The following KEAP1 variants were observed in gnomAD, a reference collection of about 807,000 sequenced individuals.
KEAP1 encodes the protein kelch-like ECH-associated protein 1.
Under a neutral mutation model 59.7 loss-of-function variants are expected in KEAP1, and 26 were observed. That is an observed-to-expected ratio of 0.44 (90% CI 0.32 to 0.60). KEAP1 has a LOEUF of 0.60. KEAP1 is among the 20% of genes least tolerant of loss of function. KEAP1 has a pLI of 0.06. For synonymous variants in KEAP1, 350 were observed against 358.3 expected (o/e 0.98, Z 0.26); for missense variants, 539 against 871.4 (o/e 0.62, Z 4.80).
intron 5 of KEAP1, among the ~76,000 whole-genome samples, chr19:10,488,240 T>C (rs1440488181): frequency 6.6e-6 from 1 of 152,084 alleles, no homozygotes; most frequent in African/African-American, 2.4e-5. Context: ...TGAGCCAAGA[T>C]TGCGCCATTG....
chr19:10,487,738 G>C (rs150617794), intron 5 of KEAP1, among the ~76,000 whole-genome samples: 72 of 152,238 alleles, frequency 4.7e-4, no homozygotes, highest in African/African-American at 1.7e-3. Flanking sequence ...GCTCATGCCT[G>C]TAATCCCAGG....
intron 2 of KEAP1, chr19:10,492,729 A>G (rs1329604499): frequency 1.4e-5 from 2 of 145,004 alleles, no homozygotes; most frequent in Admixed American, 6.9e-5. Context: ...TGTCTCAAAG[A>G]AAAAAAAAAA....
Position 10,503,218 on chromosome 19 carries a change from A to C in KEAP1, c.-48+23T>G, listed in dbSNP as rs902872017. The C allele has an allele frequency of 6.6e-5, 10 of 152,294 alleles. No homozygotes were observed. Among genetic ancestry groups the C allele is most frequent in the Admixed American group, 3.3e-4 (5 of 15,268 alleles). 9.4% of individuals were successfully genotyped at this position (152,294 alleles called of 1,614,324 possible). On this transcript the variant is annotated intron_variant, in intron 1 of 5. Coordinates refer to ENST00000171111, the MANE Select transcript of KEAP1 (RefSeq NM_203500.2). The surrounding 1 kb of genome is among the most constrained non-coding windows in gnomAD (Gnocchi z 4.3). ...CCGGGAAGCCGGGGGACCGCGACCCAGTCCAGGAGATTCCTGCCTTACCTT... is the reference window on the plus strand; with the variant it reads ...CCGGGAAGCCGGGGGACCGCGACCCCGTCCAGGAGATTCCTGCCTTACCTT...
chr19:10,489,966 G>A, intron 3 of KEAP1, 113 bp from the exon 4 acceptor site: 8 of 1,055,022 alleles, frequency 7.6e-6, no homozygotes, highest in Non-Finnish European at 9.6e-6. Flanking sequence ...TAAAGAGACA[G>A]GTTCATCCGG....
In KEAP1 at chr19:10,489,740, C is replaced by G. The variant is rs1021362446; in HGVS notation, c.1439G>C (p.Gly480Ala). The change falls in exon 4 of 6, where the codon GGG (glycine) becomes GCG (alanine). Residue 480 changes from glycine (G) to alanine (A), a missense_variant. This residue lies in a region of KEAP1 where 311 missense variants were observed against 425.2 expected (regional missense o/e 0.73). Coordinates refer to ENST00000171111, the MANE Select transcript of KEAP1 (RefSeq NM_203500.2). Reference sequence around the variant, plus strand: ...CTCAGCTGAATTAAGGCGGTTTGTCCCGTCAAAGCCCCCCACGGCATAAAG... The same window carrying G: ...CTCAGCTGAATTAAGGCGGTTTGTCGCGTCAAAGCCCCCCACGGCATAAAG... ...RLLYAVGGFDGTNRLNSAECY... is the reference protein window; with the variant it reads ...RLLYAVGGFDATNRLNSAECY... 1 of 1,614,026 alleles carries G rather than the reference C, an allele frequency of 6.2e-7. No individual in the cohort carries two copies. Among genetic ancestry groups the G allele is most frequent in the Non-Finnish European group, 8.5e-7 (1 of 1,180,036 alleles).
rs897200726 is a variant in KEAP1, at chr19:10,502,450, G to C, written c.-48+791C>G. ...AGCCCCTCAACGCCTCGGAGCCCCCGGGCCTCCTTCTGCGCAGCGCCTCCT... is the reference window on the plus strand; with the variant it reads ...AGCCCCTCAACGCCTCGGAGCCCCCCGGCCTCCTTCTGCGCAGCGCCTCCT... On this transcript the variant is annotated intron_variant, in intron 1 of 5. Coordinates refer to ENST00000171111, the MANE Select transcript of KEAP1 (RefSeq NM_203500.2). This position sits in a 1 kb window ranked among gnomAD's most constrained non-coding sequence, Gnocchi z 4.0. The C allele has an allele frequency of 6.6e-6, 1 of 152,276 alleles. No homozygotes were observed. The highest frequency in any genetic ancestry group is 2.4e-5 in the African/African-American group (1 of 41,454). The allele number at this position is 152,276 out of a possible 1,614,324, so 9.4% of individuals were successfully genotyped here.
chr19:10,497,293 G>A (rs531050343), intron 2 of KEAP1, among the ~76,000 whole-genome samples: 6 of 152,200 alleles, frequency 3.9e-5, no homozygotes, highest in South Asian at 4.1e-4. Context: ...ACCCTGGGGC[G>A]TCTGATCAAC....
At chr19:10,489,988 A>G (rs987084110) in intron 3 of KEAP1, 135 bp from the exon 4 acceptor site, 85 of 846,828 alleles carry the variant, frequency 1.0e-4, no homozygotes, top group Non-Finnish European at 1.4e-4. Context: ...GCGATGGCTC[A>G]TGCCTGTAAT....
At chr19:10,492,635 T>A in intron 2 of KEAP1, 1 of 206,180 alleles carries the variant, frequency 4.9e-6, no homozygotes, top group Non-Finnish European at 9.9e-6. Context: ...GAAGAATCGC[T>A]TGAACCCGGG....
chr19:10,498,885 G>C (rs997581781), intron 2 of KEAP1, among the ~76,000 whole-genome samples: 3 of 151,790 alleles, frequency 2.0e-5, no homozygotes, highest in Admixed American at 2.0e-4. Context: ...GCGCAAGCTG[G>C]AGTGCAGTGG....
In KEAP1 at chr19:10,489,754, C is replaced by A. The variant is rs774389220; in HGVS notation, c.1425G>T (p.Val475=). Residue 475 remains valine, a synonymous_variant, in exon 4 of 6, where the codon GTG becomes GTT. Coordinates refer to ENST00000171111, the MANE Select transcript of KEAP1 (RefSeq NM_203500.2). ...GGCGGTTTGTCCCGTCAAAGCCCCC[C>A]ACGGCATAAAGGAGACGATTGAGGA... ...VAVLNRLLYA[V]GGFDGTNRLN... 5.0e-6 allele frequency: 8 copies of A among 1,614,052 alleles called. No individual in the cohort carries two copies. The highest frequency in any genetic ancestry group is 6.8e-6 in the Non-Finnish European group (8 of 1,180,030).
rs746815974 is a variant in KEAP1, at chr19:10,491,749, C to T, written c.1153G>A (p.Asp385Asn). 3 of 1,566,170 alleles carry T rather than the reference C, an allele frequency of 1.9e-6. No individual in the cohort carries two copies. The highest frequency in any genetic ancestry group is 2.4e-5 in the East Asian group (1 of 42,220). Residue 385 changes from aspartate (D) to asparagine (N), a missense_variant, in exon 3 of 6, where the codon GAC becomes AAC. By Grantham distance (23) the Asp-to-Asn change is conservative (BLOSUM62 1). Around this residue, in one of 4 missense-constraint regions of KEAP1, gnomAD observed 311 missense variants for 425.2 expected, o/e 0.73. Coordinates refer to ENST00000171111, the MANE Select transcript of KEAP1 (RefSeq NM_203500.2). This position sits in a 1 kb window ranked among gnomAD's most constrained non-coding sequence, Gnocchi z 5.2. ...AGGGCGCTGGAGTCGGTGTTGCCGT[C>T]GGGCGAGTTGTTCCTGCCGCCCACG... Reference protein sequence around the residue: ...YAVGGRNNSPDGNTDSSALDC... With the variant: ...YAVGGRNNSPNGNTDSSALDC...
rs2144623446 is a variant in KEAP1 at position 10,499,333 on chromosome 19, G to A, written c.639+62C>T. ...TGACATCTCAAGGGGAGACAGTGATGAGCACTCGTCCATCCCTGGTCCTTC... is the reference window on the plus strand; with the variant it reads ...TGACATCTCAAGGGGAGACAGTGATAAGCACTCGTCCATCCCTGGTCCTTC... On this transcript the variant is annotated intron_variant, in intron 2 of 5. Transcript: ENST00000171111. This position sits in a 1 kb window ranked among gnomAD's most constrained non-coding sequence, Gnocchi z 6.7. 2 of 1,391,146 alleles carry A rather than the reference G, an allele frequency of 1.4e-6. No individual in the cohort carries two copies. The highest frequency in any genetic ancestry group is 2.8e-5 in the African/African-American group (2 of 70,646). The allele number at this position is 1,391,146 out of a possible 1,614,324, so 86.2% of individuals were successfully genotyped here. A position where few individuals can be genotyped will look rare whatever the true frequency, so the allele number is the denominator to read the frequency against.
Position 10,503,133 on chromosome 19 carries a change from G to A in KEAP1, c.-48+108C>T, listed in dbSNP as rs1915102243. Reference sequence around the variant, plus strand: ...GCCTCCGTAGGGGGTCCCTCGGGGTGGGGATGGCCGGGGCGCGCAGGGGCT... The same window carrying A: ...GCCTCCGTAGGGGGTCCCTCGGGGTAGGGATGGCCGGGGCGCGCAGGGGCT... On this transcript the variant is annotated intron_variant, in intron 1 of 5. Coordinates refer to ENST00000171111, the MANE Select transcript of KEAP1 (RefSeq NM_203500.2). The surrounding 1 kb of genome is among the most constrained non-coding windows in gnomAD (Gnocchi z 4.3). 1 of 152,304 alleles carries A rather than the reference G, an allele frequency of 6.6e-6. No individual in the cohort carries two copies. The highest frequency in any genetic ancestry group is 2.1e-4 in the South Asian group (1 of 4,846). The allele number at this position is 152,304 out of a possible 1,614,324, so 9.4% of individuals were successfully genotyped here. A position where few individuals can be genotyped will look rare whatever the true frequency, so the allele number is the denominator to read the frequency against.
Position 10,491,713 on chromosome 19 carries a change from T to A in KEAP1, c.1189A>T (p.Asn397Tyr), listed in dbSNP as rs2144597790. Residue 397 changes from asparagine to tyrosine, a missense_variant, in exon 3 of 6, where the codon AAC becomes TAC. This residue lies in a region of KEAP1 where 311 missense variants were observed against 425.2 expected (regional missense o/e 0.73). Coordinates refer to ENST00000171111, the MANE Select transcript of KEAP1 (RefSeq NM_203500.2). The surrounding 1 kb of genome is among the most constrained non-coding windows in gnomAD (Gnocchi z 5.2). ...GGCGACCACTGATTGGTCATGGGGT[T>A]GTAACAGTCCAGGGCGCTGGAGTCG... is the stretch of plus-strand genomic sequence containing the variant. ...NTDSSALDCY[N>Y]PMTNQWSPCA... The A allele has an allele frequency of 1.3e-6, 2 of 1,572,060 alleles. No individual in the cohort carries two copies. The highest frequency in any genetic ancestry group is 1.7e-6 in the Non-Finnish European group (2 of 1,159,396).
rs542278600 is a variant in KEAP1 at position 10,497,256 on chromosome 19, T to C, written c.639+2139A>G. ...CTGTATAGACCACTTTCCTAGAAGC[T>C]GCAGGCCCTAGGACTAACGCCAGAG... On this transcript the variant is annotated intron_variant, in intron 2 of 5. Transcript: ENST00000171111. Among the ~76,000 whole-genome samples the C allele has an allele frequency of 2.6e-5, 4 of 152,262 alleles. No homozygotes were observed. The South Asian group carries it at 8.3e-4, about 32-fold the overall frequency.
chr19:10,497,835 A>G (rs1050488704), intron 2 of KEAP1, among the ~76,000 whole-genome samples: 2 of 152,206 alleles, frequency 1.3e-5, no homozygotes, highest in African/African-American at 2.4e-5. Context: ...TGGAGGCTAC[A>G]GTGAGCTATG....
chr19:10,489,440 G>T, intron 4 of KEAP1, 72 bp from the exon 5 acceptor site: 1 of 1,472,392 alleles, frequency 6.8e-7, no homozygotes. Context: ...ACCTCCTTGA[G>T]GGAGACCTTT....
rs780969499 is a variant in KEAP1 at position 10,491,841 on chromosome 19, C to T, written c.1061G>A (p.Arg354Gln). The T allele has an allele frequency of 1.1e-5, 17 of 1,608,984 alleles. No individual in the cohort carries two copies. Among genetic ancestry groups the T allele is most frequent in the Admixed American group, 5.1e-5 (3 of 59,078 alleles). ...AYNPSDGTWL[R>Q]LADLQVPRSG... is the part of the protein sequence containing the mutation. ...CCGCGGCACCTGCAGGTCCGCCAACCGGAGCCAGGTGCCGTCACTGGGGTT... is the reference window on the plus strand; with the variant it reads ...CCGCGGCACCTGCAGGTCCGCCAACTGGAGCCAGGTGCCGTCACTGGGGTT... The change falls in exon 3 of 6, where the codon CGG becomes CAG. Residue 354 changes from arginine (R) to glutamine (Q), a missense_variant. Around this residue, in one of 4 missense-constraint regions of KEAP1, gnomAD observed 311 missense variants for 425.2 expected, o/e 0.73. Transcript: ENST00000171111. This position sits in a 1 kb window ranked among gnomAD's most constrained non-coding sequence, Gnocchi z 5.2.
Sources: allele counts gnomAD v4.1 joint callset (sites outside exome capture counted in the v4.1 genomes callset), GRCh38; gene constraint gnomAD v4.1.1; regional missense constraint gnomAD v4.1.1; non-coding constraint Gnocchi (gnomAD v3.1); transcripts MANE v1.5; gene names NCBI Gene and HGNC (gene_info 2026-07-23, HGNC 2026-07-21).